TUSC3: variants seen among roughly 807,000 people sequenced by gnomAD.
TUSC3 encodes the protein tumor suppressor candidate 3.
TUSC3 carries 45 observed loss-of-function variants against 44.8 expected under a neutral mutation model. That is an observed-to-expected ratio of 1.00 (90% CI 0.79 to 1.29). The LOEUF is 1.29. TUSC3 is among the 50% of genes most tolerant of loss of function. TUSC3 has a pLI of 0.00. For missense variants in TUSC3, 519 were observed against 437.9 expected, an observed-to-expected ratio of 1.19 and a Z score of -1.65; for synonymous variants, 212 against 152.9, an observed-to-expected ratio of 1.39 and a Z score of -2.85.
chr8:15,528,989 G>C (rs1457694744), intron 2 of TUSC3, among the ~76,000 whole-genome samples: 1 of 152,138 alleles, frequency 6.6e-6, no homozygotes, highest in African/African-American at 2.4e-5. Context: ...CCAATGAACA[G>C]TTCTTTGAAA....
At chr8:15,515,284 C>T (rs1193177012) in intron 2 of TUSC3, among the ~76,000 whole-genome samples, 1 of 152,112 alleles carries the variant, frequency 6.6e-6, no homozygotes, top group Non-Finnish European at 1.5e-5. Context: ...GCTCTGTCAG[C>T]TGCCAAGATT....
chr8:15,522,463 A>T (rs886184801), intron 2 of TUSC3, among the ~76,000 whole-genome samples: 3 of 151,366 alleles, frequency 2.0e-5, no homozygotes, highest in African/African-American at 7.3e-5. Context: ...GAACTCCCGA[A>T]CTCAGGTGAT....
At chr8:15,851,283 G>T in the TUSC3 span, among the ~76,000 whole-genome samples, 1 of 152,018 alleles carries the variant, frequency 6.6e-6, no homozygotes, top group Non-Finnish European at 1.5e-5. Flanking sequence ...AGGTGCCAGG[G>T]ATACATCAAT....
chr8:15,831,600 G>T, the TUSC3 span, among the ~76,000 whole-genome samples: 9 of 152,118 alleles, frequency 5.9e-5, no homozygotes, highest in Non-Finnish European at 1.0e-4. Context: ...GTATAGAAAA[G>T]AACCTGATAA....
intron 7 of TUSC3, among the ~76,000 whole-genome samples, chr8:15,731,572 AG>A (rs1408908856): frequency 6.6e-6 from 1 of 152,132 alleles, no homozygotes; most frequent in African/African-American, 2.4e-5. Context: ...GAGCCCACAA[AG>A]GGCTTATGTT....
At chr8:15,613,083 T>C (rs990200618) in intron 1 of TUSC3, among the ~76,000 whole-genome samples, 1 of 141,514 alleles carries the variant, frequency 7.1e-6, no homozygotes, top group Non-Finnish European at 1.6e-5. Context: ...ATATATATCA[T>C]ATATATGTAT....
intron 2 of TUSC3, among the ~76,000 whole-genome samples, chr8:15,501,617 A>G (rs1440152000): frequency 6.6e-6 from 1 of 152,192 alleles, no homozygotes; most frequent in East Asian, 1.9e-4. Flanking sequence ...GGTTTATGGC[A>G]ATGGGCTTAA....
At chr8:15,589,322 C>T (rs2129149691) in intron 1 of TUSC3, among the ~76,000 whole-genome samples, 1 of 152,262 alleles carries the variant, frequency 6.6e-6, no homozygotes, top group Non-Finnish European at 1.5e-5. Context: ...TTGATTCAGA[C>T]TCTGCATCTT....
intron 1 of TUSC3, among the ~76,000 whole-genome samples, chr8:15,454,853 T>A (rs901985718): frequency 1.3e-5 from 2 of 152,192 alleles, no homozygotes; most frequent in Non-Finnish European, 2.9e-5. Flanking sequence ...TATATTTTAT[T>A]CTGAATATTA....
intron 2 of TUSC3, among the ~76,000 whole-genome samples, chr8:15,496,089 G>C (rs1258675959): frequency 1.3e-5 from 2 of 152,048 alleles, no homozygotes; most frequent in Non-Finnish European, 2.9e-5. Context: ...TTGTCCTGTA[G>C]AGGAAAGCCA....
At chr8:15,609,689 G>C (rs563541934) in intron 1 of TUSC3, among the ~76,000 whole-genome samples, 13 of 151,984 alleles carry the variant, frequency 8.6e-5, no homozygotes, top group African/African-American at 3.1e-4. Flanking sequence ...ACTGTCTCTT[G>C]ATAGTAGGGT....
At chr8:15,749,983 ATT>A (rs34525756) in intron 9 of TUSC3, among the ~76,000 whole-genome samples, 2 of 139,610 alleles carry the variant, frequency 1.4e-5, no homozygotes, top group African/African-American at 2.6e-5. Flanking sequence ...ATACTGTGAG[ATT>A]TTTTTTTTTT....
intron 5 of TUSC3, among the ~76,000 whole-genome samples, chr8:15,664,850 C>T (rs879686125): frequency 1.3e-5 from 2 of 150,036 alleles, no homozygotes; most frequent in Non-Finnish European, 3.0e-5. Context: ...ATTTATGTTA[C>T]ACATATGTAT....
At chr8:15,811,388 G>A in the TUSC3 span, among the ~76,000 whole-genome samples, 4 of 152,080 alleles carry the variant, frequency 2.6e-5, no homozygotes, top group Admixed American at 6.6e-5. Context: ...ATTCCTTCAC[G>A]ATCATAAGAG....
chr8:15,820,759 T>C, the TUSC3 span, among the ~76,000 whole-genome samples: 1 of 152,224 alleles, frequency 6.6e-6, no homozygotes, highest in African/African-American at 2.4e-5. Context: ...TCTTCTTTGA[T>C]TATTGAAACT....
At chr8:15,807,493 C>T in the TUSC3 span, among the ~76,000 whole-genome samples, 16 of 151,996 alleles carry the variant, frequency 1.1e-4, no homozygotes, top group South Asian at 2.1e-4. Flanking sequence ...ACAGAACTAC[C>T]GTTCGACCCA....
At chr8:15,690,679 T>C (rs1808859966) in intron 6 of TUSC3, among the ~76,000 whole-genome samples, 1 of 152,132 alleles carries the variant, frequency 6.6e-6, no homozygotes, top group Non-Finnish European at 1.5e-5. Flanking sequence ...TTTTTATGTA[T>C]AGTGTAAGGA....
the TUSC3 span, among the ~76,000 whole-genome samples, chr8:15,772,103 GAAAA>G: frequency 2.6e-5 from 4 of 151,522 alleles, no homozygotes; most frequent in Admixed American, 6.6e-5. Context: ...AGAAAAAAAA[GAAAA>G]AGAAAGATCT....
intron 1 of TUSC3, among the ~76,000 whole-genome samples, chr8:15,616,717 G>A (rs1254519891): frequency 6.6e-6 from 1 of 152,168 alleles, no homozygotes; most frequent in Non-Finnish European, 1.5e-5. Flanking sequence ...CAGTCCTTGG[G>A]GGCTCTGACC....
Sources: allele counts gnomAD v4.1 joint callset (sites outside exome capture counted in the v4.1 genomes callset), GRCh38; gene constraint gnomAD v4.1.1; transcripts MANE v1.5; gene names NCBI Gene and HGNC (gene_info 2026-07-23, HGNC 2026-07-21).